The following BACE2 variants were observed in gnomAD, a reference collection of about 807,000 sequenced individuals.
The protein encoded by BACE2 is 56 kDa aspartic-like protease.
Under a neutral mutation model 46.2 loss-of-function variants are expected in BACE2, and 17 were observed. The ratio of observed to expected loss-of-function variants is 0.37; its 90% confidence interval spans 0.25 to 0.55. BACE2 has a LOEUF of 0.55. Ranked by LOEUF, BACE2 falls within the 20% of genes least tolerant of loss-of-function variation. The probability of loss-of-function intolerance (pLI) is 0.82; values close to 1 mark genes in which losing one functional copy is unlikely to be tolerated. For synonymous variants in BACE2, 277 were observed against 295.9 expected (o/e 0.94, Z 0.66); for missense variants, 595 against 698.1 (o/e 0.85, Z 1.66).
chr21:41,218,125 G>A (rs1442170795), intron 1 of BACE2, among the ~76,000 whole-genome samples: 2 of 152,180 alleles, frequency 1.3e-5, no homozygotes, highest in Non-Finnish European at 2.9e-5. Context: ...ACCAACCAAT[G>A]TTAAGATATG....
intron 1 of BACE2, among the ~76,000 whole-genome samples, chr21:41,218,194 G>T (rs1401517581): frequency 6.6e-6 from 1 of 152,170 alleles, no homozygotes; most frequent in Non-Finnish European, 1.5e-5. Context: ...GAACTTTGTG[G>T]CTATGGAAAG....
At chr21:41,266,589 G>A (rs189967419) in intron 8 of BACE2, among the ~76,000 whole-genome samples, 41 of 152,354 alleles carry the variant, frequency 2.7e-4, no homozygotes, top group African/African-American at 8.9e-4. Context: ...TTTCTCATGG[G>A]AGAGTTTCTT....
At chr21:41,202,575 T>C (rs1985996478) in intron 1 of BACE2, among the ~76,000 whole-genome samples, 1 of 152,244 alleles carries the variant, frequency 6.6e-6, no homozygotes, top group South Asian at 2.1e-4. Context: ...CCATCGCTCC[T>C]GGCACTGGTC....
chr21:41,245,958 C>G lies in BACE2; in HGVS notation c.883-4C>G, dbSNP rs1987456058. ...GCACCTTTCCCTTTCTCTCCCGGTT[C>G]AAGTATAACGCAGACAAGGCCATCG... On this transcript the variant is annotated splice_polypyrimidine_tract_variant and splice_region_variant and intron_variant, in intron 5 of 8. Coordinates refer to ENST00000330333, the MANE Select transcript of BACE2 (RefSeq NM_012105.5). The G allele has an allele frequency of 6.2e-7, 1 of 1,603,840 alleles. No homozygotes were observed. Among genetic ancestry groups the G allele is most frequent in the Non-Finnish European group, 8.5e-7 (1 of 1,174,644 alleles).
intron 1 of BACE2, among the ~76,000 whole-genome samples, chr21:41,209,375 C>T (rs1455623497): frequency 1.3e-5 from 2 of 152,148 alleles, no homozygotes; most frequent in Non-Finnish European, 2.9e-5. Flanking sequence ...CCCGTTTGTT[C>T]GGAGATGATA....
At chr21:41,242,039 G>A in intron 4 of BACE2, 92 bp downstream of exon 4, 1 of 1,537,488 alleles carries the variant, frequency 6.5e-7, no homozygotes, top group Non-Finnish European at 8.9e-7. Context: ...GAAATATTAG[G>A]CATGTAGGTG....
chr21:41,264,536 T>G (rs757393564), intron 8 of BACE2, among the ~76,000 whole-genome samples: 12 of 151,966 alleles, frequency 7.9e-5, no homozygotes, highest in Non-Finnish European at 1.6e-4. Context: ...AACTTACAAT[T>G]GTGGTAGAAG....
intron 1 of BACE2, among the ~76,000 whole-genome samples, chr21:41,209,868 A>C (rs1469068636): frequency 6.6e-6 from 1 of 152,184 alleles, no homozygotes; most frequent in Non-Finnish European, 1.5e-5. Flanking sequence ...CATAGTTCCC[A>C]ATATGTTTAA....
chr21:41,184,961 T>C (rs778912774), intron 1 of BACE2: 1 of 167,082 alleles, frequency 6.0e-6, no homozygotes, highest in Non-Finnish European at 1.5e-5. Flanking sequence ...ATTCGTCATC[T>C]AACTTGTATT....
chr21:41,240,288 T>C (rs949904007), intron 3 of BACE2, among the ~76,000 whole-genome samples: 4 of 152,212 alleles, frequency 2.6e-5, no homozygotes, highest in Non-Finnish European at 5.9e-5. Flanking sequence ...ACTGGGCTTC[T>C]AACACTATAG....
At chr21:41,170,912 C>G (rs577387982) in intron 1 of BACE2, among the ~76,000 whole-genome samples, 2 of 152,176 alleles carry the variant, frequency 1.3e-5, no homozygotes. Flanking sequence ...ACCCACCACC[C>G]CTCGGGGGTC....
chr21:41,256,786 G>C (rs1193526312), intron 7 of BACE2, among the ~76,000 whole-genome samples: 1 of 152,120 alleles, frequency 6.6e-6, no homozygotes, highest in Non-Finnish European at 1.5e-5. Flanking sequence ...ATGTTCTCCG[G>C]ACCTCCTGAG....
chr21:41,277,887 T>C lies in BACE2; in HGVS notation c.*2263T>C, dbSNP rs1241802493. The C allele has an allele frequency of 6.6e-6, 1 of 152,228 alleles. No homozygotes were observed. The highest frequency in any genetic ancestry group is 1.5e-5 in the Non-Finnish European group (1 of 68,044). 9.4% of individuals were successfully genotyped at this position (152,228 alleles called of 1,614,324 possible). On this transcript the variant is annotated 3_prime_UTR_variant, in exon 9 of 9. Coordinates refer to ENST00000330333, the MANE Select transcript of BACE2 (RefSeq NM_012105.5). ...CATGTCATTGGATGTGACATTTTGATGAAAATACTGAAACTACAAAAGCAT... is the reference window on the plus strand; with the variant it reads ...CATGTCATTGGATGTGACATTTTGACGAAAATACTGAAACTACAAAAGCAT...
chr21:41,229,001 A>G (rs981891148), intron 2 of BACE2, among the ~76,000 whole-genome samples: 1 of 152,242 alleles, frequency 6.6e-6, no homozygotes, highest in Non-Finnish European at 1.5e-5. Flanking sequence ...GCGACTTTGG[A>G]AAGTGGTGTG....
rs1318901771 is a variant in BACE2 at position 41,257,145 on chromosome 21, C to T, written c.1135-13C>T. On this transcript the variant is annotated splice_polypyrimidine_tract_variant and intron_variant, in intron 7 of 8. Transcript: ENST00000330333. ...TTTTCTTGTTTGTTTGCTCTCTCCTCTCCGACAAACAGCTTTACATTCAGC... is the reference window on the plus strand; with the variant it reads ...TTTTCTTGTTTGTTTGCTCTCTCCTTTCCGACAAACAGCTTTACATTCAGC... 6.2e-7 allele frequency: 1 copy of T among 1,614,134 alleles called. No homozygotes were observed. The highest frequency in any genetic ancestry group is 1.1e-5 in the South Asian group (1 of 91,080).
intron 8 of BACE2, 56 bp downstream of exon 8, chr21:41,257,382 T>C: frequency 6.3e-7 from 1 of 1,581,152 alleles, no homozygotes; most frequent in Non-Finnish European, 8.6e-7. Context: ...TATGTAAATG[T>C]GCTGACTTGG....
At chr21:41,223,403 A>G (rs1403568316) in intron 1 of BACE2, among the ~76,000 whole-genome samples, 1 of 151,716 alleles carries the variant, frequency 6.6e-6, no homozygotes, top group Non-Finnish European at 1.5e-5. Context: ...TCTAGAGGCA[A>G]GAAGTCTGAA....
At chr21:41,247,327 A>G (rs3827211) in intron 6 of BACE2, among the ~76,000 whole-genome samples, 58,101 of 152,110 alleles carry the variant, frequency 0.38, 13,113 homozygotes, top group East Asian at 0.65. Context: ...GCAGGTCTCA[A>G]GGCGGCCAGC....
intron 7 of BACE2, among the ~76,000 whole-genome samples, chr21:41,253,022 A>G (rs1414713977): frequency 6.6e-6 from 1 of 152,258 alleles, no homozygotes; most frequent in Non-Finnish European, 1.5e-5. Flanking sequence ...CTCTTTAACT[A>G]TAAAGGAGAA....
Sources: gnomAD v4.1 joint callset for allele counts (sites outside exome capture counted in the v4.1 genomes callset) on GRCh38, gnomAD v4.1.1 for gene constraint, MANE v1.5 for transcripts, NCBI Gene and HGNC (gene_info 2026-07-23, HGNC 2026-07-21) for gene names.